Variants in TGFBR3 observed in about 807,000 individuals in gnomAD.
TGFBR3 encodes the protein transforming growth factor beta receptor type 3.
In TGFBR3, 46 loss-of-function variants were observed where a neutral mutation model predicts 87.9. The ratio of observed to expected loss-of-function variants is 0.52; its 90% CI spans 0.41 to 0.67. TGFBR3 has a LOEUF of 0.67. Among genes scored for constraint, TGFBR3 ranks in the 30% least tolerant of loss-of-function variants. The pLI is 0.00. For missense variants in TGFBR3, 866 were observed against 1,041.9 expected (o/e 0.83, Z 2.32); for synonymous variants, 381 against 391.6 (o/e 0.97, Z 0.32).
At chr1:91,809,363 G>A (rs1018104074) in intron 2 of TGFBR3, among the ~76,000 whole-genome samples, 4 of 152,326 alleles carry the variant, frequency 2.6e-5, no homozygotes, top group Non-Finnish European at 5.9e-5. Context: ...CTCTGGGCCT[G>A]GTGAGCATTC....
At chr1:91,783,555 C>T (rs572028295) in intron 3 of TGFBR3, among the ~76,000 whole-genome samples, 1 of 152,294 alleles carries the variant, frequency 6.6e-6, no homozygotes, top group East Asian at 1.9e-4. Context: ...AAATGGATTG[C>T]TTCTGCTGGA....
chr1:91,786,291 G>A, intron 3 of TGFBR3: 1 of 455,896 alleles, frequency 2.2e-6, no homozygotes, highest in South Asian at 1.6e-5. Context: ...TTTATGAAGA[G>A]GTTCACAAGC....
chr1:91,857,060 T>C (rs1439562546), intron 2 of TGFBR3, among the ~76,000 whole-genome samples: 1 of 152,152 alleles, frequency 6.6e-6, no homozygotes, highest in Non-Finnish European at 1.5e-5. Context: ...TTAAATAAAT[T>C]AGCTGGCAGA....
In TGFBR3 at chr1:91,721,963, T is replaced by C; in HGVS notation, c.1067A>G (p.Glu356Gly). The C allele has an allele frequency of 6.2e-7, 1 of 1,613,066 alleles. No individual in the cohort carries two copies. Among genetic ancestry groups the C allele is most frequent in the African/African-American group, 1.3e-5 (1 of 75,024 alleles). ...PVANRFHLRL[E>G]NNAEEMGDEE... ...AAAAACTTCTAACTTACCATTATTT[T>C]CAAGCCGAAGATGAAATCTATTAGC... The change falls in exon 8 of 17, where the codon GAA becomes GGA. Residue 356 changes from glutamate to glycine, a missense_variant. By Grantham distance (98) the Glu-to-Gly change is moderately conservative. Transcript: ENST00000212355.
rs945269870 is a variant in TGFBR3, at chr1:91,787,943, G to GGAAAAAAAAAAAAAAAAAAA, written c.246+9343_246+9344insTTTTTTTTTTTTTTTTTTTC. Reference sequence around the variant, plus strand: ...ACAGAGCCAGACCCTGTCTCACGGGGAAAAAAAAAAAAACCCCAAGAAGAA... The same window carrying GGAAAAAAAAAAAAAAAAAAA: ...ACAGAGCCAGACCCTGTCTCACGGGGGAAAAAAAAAAAAAAAAAAAAAAAAAAAAAAAACCCCAAGAAGAA... On this transcript the variant is annotated intron_variant, in intron 3 of 16. Transcript: ENST00000212355. Among the ~76,000 whole-genome samples, 590 of 133,108 alleles carry GGAAAAAAAAAAAAAAAAAAA rather than the reference G, an allele frequency of 4.4e-3. 20 individuals carry two copies. Among genetic ancestry groups the GGAAAAAAAAAAAAAAAAAAA allele is most frequent in the African/African-American group, 0.015 (500 of 32,482 alleles). The allele number at this position is 133,108 out of a possible 152,430, so 87.3% of individuals were successfully genotyped here.
chr1:91,692,937 A>G (rs1671315256), intron 16 of TGFBR3, among the ~76,000 whole-genome samples: 2 of 152,228 alleles, frequency 1.3e-5, no homozygotes, highest in African/African-American at 4.8e-5. Flanking sequence ...GGCAGATGCT[A>G]TCTGAACCCC....
chr1:91,815,244 G>C (rs1344292713), intron 2 of TGFBR3, among the ~76,000 whole-genome samples: 1 of 138,574 alleles, frequency 7.2e-6, no homozygotes, highest in Non-Finnish European at 1.6e-5. Context: ...GGAGGTTGCA[G>C]TGAGCTGGGA....
At chr1:91,829,826 G>A (rs1387484964) in intron 2 of TGFBR3, 2 of 152,044 alleles carry the variant, frequency 1.3e-5, no homozygotes, top group Non-Finnish European at 2.9e-5. Flanking sequence ...TCTATTCATA[G>A]GCACAATCCC....
intron 3 of TGFBR3, among the ~76,000 whole-genome samples, chr1:91,759,897 G>A (rs1339949498): frequency 6.6e-6 from 1 of 152,180 alleles, no homozygotes; most frequent in African/African-American, 2.4e-5. Context: ...ACTAAATGCT[G>A]GACTATTTCA....
chr1:91,718,134 G>A (rs1245194152), intron 10 of TGFBR3, among the ~76,000 whole-genome samples: 2 of 152,148 alleles, frequency 1.3e-5, no homozygotes, highest in Non-Finnish European at 2.9e-5. Context: ...GTGGACAAGA[G>A]GTCAGGAAGT....
intron 2 of TGFBR3, among the ~76,000 whole-genome samples, chr1:91,897,333 G>A (rs1234506919): frequency 7.2e-5 from 11 of 152,170 alleles, no homozygotes; most frequent in Admixed American, 6.5e-4. Context: ...AGGAATATTC[G>A]TTAGAAAGGG....
upstream of TGFBR3, chr1:91,886,197 C>G (rs1396362782): frequency 2.2e-6 from 1 of 453,256 alleles, no homozygotes; most frequent in Admixed American, 2.4e-5. Context: ...CTCGCACACA[C>G]GCGGGCGGGG....
At chr1:91,730,917 C>T (rs1036577226) in intron 5 of TGFBR3, among the ~76,000 whole-genome samples, 4 of 152,214 alleles carry the variant, frequency 2.6e-5, no homozygotes, top group Admixed American at 1.3e-4. Flanking sequence ...CACCTCCACC[C>T]GGGAAAGTGA....
chr1:91,751,264 T>A (rs936654561), intron 4 of TGFBR3, among the ~76,000 whole-genome samples: 1 of 152,210 alleles, frequency 6.6e-6, no homozygotes, highest in African/African-American at 2.4e-5. Context: ...ATACAGAATT[T>A]TTTTTAAAAA....
At chr1:91,854,936 A>T (rs1282076513) in intron 2 of TGFBR3, among the ~76,000 whole-genome samples, 1 of 152,228 alleles carries the variant, frequency 6.6e-6, no homozygotes, top group African/African-American at 2.4e-5. Context: ...TGTGAGGATC[A>T]AATGAAATAC....
intron 2 of TGFBR3, among the ~76,000 whole-genome samples, chr1:91,840,149 TA>T (rs779696669): frequency 0.015 from 2,048 of 139,648 alleles, 24 homozygotes; most frequent in African/African-American, 0.034. Context: ...ATCTCTACTT[TA>T]AAAAAAAAAA....
intron 4 of TGFBR3, among the ~76,000 whole-genome samples, chr1:91,748,158 T>C (rs1465732628): frequency 6.6e-6 from 1 of 152,216 alleles, no homozygotes; most frequent in Non-Finnish European, 1.5e-5. Flanking sequence ...GAAATAACTG[T>C]GGTTGGAGCC....
Position 91,722,031 on chromosome 1 carries a change from G to A in TGFBR3, c.999C>T (p.Asp333=). ...TQGNLVKWAL[D]NGYSPITSYT... is the part of the protein sequence containing the mutation. Reference sequence around the variant, plus strand: ...ATGAAGTTATTGGACTATAGCCATTGTCCAAAGCCCACTTCACCAGATTCC... The same window carrying A: ...ATGAAGTTATTGGACTATAGCCATTATCCAAAGCCCACTTCACCAGATTCC... Residue 333 remains aspartate, a synonymous_variant, in exon 8 of 17, where the codon GAC becomes GAT. Coordinates refer to ENST00000212355, the MANE Select transcript of TGFBR3 (RefSeq NM_003243.5). The A allele has an allele frequency of 6.2e-7, 1 of 1,613,728 alleles. No individual in the cohort carries two copies. Among genetic ancestry groups the A allele is most frequent in the East Asian group, 2.2e-5 (1 of 44,822 alleles).
chr1:91,697,745 G>C (rs890884041), intron 15 of TGFBR3, among the ~76,000 whole-genome samples: 2 of 152,160 alleles, frequency 1.3e-5, no homozygotes, highest in African/African-American at 4.8e-5. Flanking sequence ...CCACTTCCAT[G>C]GCTGTATGTG....
Sources: allele counts gnomAD v4.1 joint callset (sites outside exome capture counted in the v4.1 genomes callset), GRCh38; gene constraint gnomAD v4.1.1; transcripts MANE v1.5; gene names NCBI Gene and HGNC (gene_info 2026-07-23, HGNC 2026-07-21).